The following API5 variants were observed in gnomAD, a reference collection of about 807,000 sequenced individuals.
API5 encodes the protein FIF.
API5 carries 6 observed loss-of-function variants against 71.9 expected under a neutral mutation model. The observed-to-expected ratio is 0.08, with a 90% confidence interval of 0.05 to 0.16. The LOEUF is 0.16. Among genes scored for constraint, API5 ranks in the 10% least tolerant of loss-of-function variants. API5 has a pLI of 1.00. For synonymous variants in API5, 189 were observed against 221.3 expected (o/e 0.85, Z 1.30); for missense variants, 332 against 612.8 (o/e 0.54, Z 4.84).
At chr11:43,328,941 T>C in intron 9 of API5, 48 bp downstream of exon 9, 1 of 1,592,610 alleles carries the variant, frequency 6.3e-7, no homozygotes, top group South Asian at 1.1e-5. Flanking sequence ...GTGGTAGCTA[T>C]CCTGAAGTTC....
At chr11:43,336,403 C>A (rs1565112582) in intron 13 of API5, among the ~76,000 whole-genome samples, 1 of 152,212 alleles carries the variant, frequency 6.6e-6, no homozygotes, top group Non-Finnish European at 1.5e-5. Context: ...AGTCAGCCTG[C>A]TGCCTATACT....
In API5 at chr11:43,330,000, T is replaced by C; in HGVS notation, c.1163T>C (p.Ile388Thr). The stretch of plus-strand genomic sequence containing the variant: ...TTTGCACGGGGCCTGCAAGTTTATA[T>C]CAGACAACTTCGCTTAGCTCTCCAG... ...QYFARGLQVY[I>T]RQLRLALQGK... The change falls in exon 10 of 14, where the codon ATC (isoleucine) becomes ACC (threonine). Residue 388 changes from isoleucine (I) to threonine (T), a missense_variant. By Grantham distance (89) the Ile-to-Thr change is moderately conservative (BLOSUM62 -1). Transcript: ENST00000531273. 1.2e-6 allele frequency: 2 copies of C among 1,613,884 alleles called. No individual in the cohort carries two copies. The highest frequency in any genetic ancestry group is 1.7e-6 in the Non-Finnish European group (2 of 1,179,864).
At chr11:43,336,138 G>T (rs539371805) in intron 13 of API5, 144 bp downstream of exon 13, 1 of 1,096,344 alleles carries the variant, frequency 9.1e-7, no homozygotes, top group African/African-American at 1.6e-5. Context: ...GGGCTGTTGA[G>T]GAAATGATTT....
intron 13 of API5, among the ~76,000 whole-genome samples, chr11:43,336,794 G>A (rs1005052420): frequency 1.3e-5 from 2 of 151,722 alleles, no homozygotes; most frequent in Admixed American, 1.3e-4. Context: ...GGATCACGAG[G>A]TCAGGAGGTC....
At chr11:43,331,041 T>C (rs1565109022) in intron 11 of API5, among the ~76,000 whole-genome samples, 1 of 152,182 alleles carries the variant, frequency 6.6e-6, no homozygotes, top group African/African-American at 2.4e-5. Flanking sequence ...TATTATATTA[T>C]ACAATACAGT....
chr11:43,321,950 A>G, intron 4 of API5, 35 bp from the exon 5 acceptor site: 5 of 1,587,706 alleles, frequency 3.1e-6, no homozygotes, highest in Non-Finnish European at 4.3e-6. Context: ...ACACTATAGA[A>G]TTGACTTGCT....
chr11:43,342,785 T>G lies in API5; in HGVS notation c.*275T>G. ...CTTCAAATTGTGAATCTTTTAAACA[T>G]CTTGATAATTTGTTGTTGAGAGCTG... On this transcript the variant is annotated 3_prime_UTR_variant, in exon 14 of 14. Transcript: ENST00000531273. 1 of 605,450 alleles carries G rather than the reference T, an allele frequency of 1.7e-6. No individual in the cohort carries two copies. Among genetic ancestry groups the G allele is most frequent in the South Asian group, 2.0e-5 (1 of 48,954 alleles). The allele number at this position is 605,450 out of a possible 1,614,324, so 37.5% of individuals were successfully genotyped here.
intron 8 of API5, 26 bp downstream of exon 8, chr11:43,327,904 G>C: frequency 6.8e-7 from 1 of 1,479,418 alleles, no homozygotes; most frequent in South Asian, 1.2e-5. Context: ...TTTCCTTATG[G>C]GATAGTCAGT....
At chr11:43,340,417 T>C (rs924948303) in intron 13 of API5, among the ~76,000 whole-genome samples, 2 of 152,004 alleles carry the variant, frequency 1.3e-5, no homozygotes, top group African/African-American at 4.8e-5. Flanking sequence ...TTCACAGAAA[T>C]TGCCACCAAA....
At position 43,340,240 on chromosome 11, in the gene API5, A is replaced by C. The variant is rs1051539229; in HGVS notation, c.1493-2188A>C. The stretch of plus-strand genomic sequence containing the variant: ...TTAACCAAGAAGGTAAAATATTTCT[A>C]TACAAGGAAAACTACAAAACACTGA... On this transcript the variant is annotated intron_variant, in intron 13 of 13. Coordinates refer to ENST00000531273, the MANE Select transcript of API5 (RefSeq NM_001142930.2). The C allele has an allele frequency of 8.4e-6, 3 of 357,520 alleles. No individual in the cohort carries two copies. The Admixed American group carries it at 1.2e-4, about 14-fold the overall frequency. The allele number at this position is 357,520 out of a possible 1,614,324, so 22.1% of individuals were successfully genotyped here.
rs1015581997 is a variant in API5 at position 43,312,020 on chromosome 11, A to C, written c.-108A>C. ...GGTGACTGGCGGCTGCACTGGCGGC[A>C]GCTGGAGGTGTAATAGTGCGGGTAG... On this transcript the variant is annotated 5_prime_UTR_variant, in exon 1 of 14. Coordinates refer to ENST00000531273, the MANE Select transcript of API5 (RefSeq NM_001142930.2). 1.8e-5 allele frequency: 22 copies of C among 1,248,036 alleles called. No homozygotes were observed. The highest frequency in any genetic ancestry group is 2.7e-4 in the Middle Eastern group (1 of 3,684). 77.3% of individuals were successfully genotyped at this position (1,248,036 alleles called of 1,614,324 possible).
At chr11:43,320,745 AG>A in intron 2 of API5, 75 bp from the exon 3 acceptor site, 7 of 1,214,658 alleles carry the variant, frequency 5.8e-6, no homozygotes, top group South Asian at 2.7e-5. Context: ...AAAAAAAAAA[AG>A]AAAGAAAAGA....
chr11:43,324,121 C>T (rs1461093417), intron 6 of API5, among the ~76,000 whole-genome samples: 2 of 152,000 alleles, frequency 1.3e-5, no homozygotes, highest in Non-Finnish European at 2.9e-5. Flanking sequence ...AGGCTCAAGC[C>T]TTCCTTCCAT....
intron 1 of API5, among the ~76,000 whole-genome samples, chr11:43,317,837 C>G (rs961556071): frequency 7.9e-5 from 12 of 151,854 alleles, no homozygotes; most frequent in African/African-American, 2.7e-4. Flanking sequence ...GCCACCACAC[C>G]CAGTTAATTT....
At chr11:43,332,211 G>C (rs1855281482) in intron 11 of API5, 1 of 152,190 alleles carries the variant, frequency 6.6e-6, no homozygotes, top group South Asian at 2.1e-4. Flanking sequence ...TCTAACACCA[G>C]ATGGGTGGAA....
At position 43,343,607 on chromosome 11, in the gene API5, T is replaced by C. The variant is rs1398976934; in HGVS notation, c.*1097T>C. 1 of 152,608 alleles carries C rather than the reference T, an allele frequency of 6.6e-6. No homozygotes were observed. Among genetic ancestry groups the C allele is most frequent in the African/African-American group, 2.4e-5 (1 of 41,454 alleles). The allele number at this position is 152,608 out of a possible 1,614,324, so 9.5% of individuals were successfully genotyped here. A position where few individuals can be genotyped will look rare whatever the true frequency, so the allele number is the denominator to read the frequency against. ...AATAAGTAAGGGATGCTCTCTCGGT[T>C]TGCTTTTGCCACTTTCAAGATTTTA... On this transcript the variant is annotated 3_prime_UTR_variant, in exon 14 of 14. Transcript: ENST00000531273.
intron 13 of API5, 176 bp downstream of exon 13, chr11:43,336,170 C>A: frequency 1.3e-6 from 1 of 789,710 alleles, no homozygotes; most frequent in Non-Finnish European, 1.9e-6. Flanking sequence ...CTCTCATTCA[C>A]CCTTCTGGGC....
chr11:43,320,286 C>T (rs1235111417), intron 2 of API5, among the ~76,000 whole-genome samples: 1 of 152,010 alleles, frequency 6.6e-6, no homozygotes, highest in East Asian at 1.9e-4. Flanking sequence ...CCTCGTGATC[C>T]ACCTGCTTCA....
chr11:43,316,076 G>C (rs1056933152), intron 1 of API5, among the ~76,000 whole-genome samples: 1 of 152,136 alleles, frequency 6.6e-6, no homozygotes, highest in Non-Finnish European at 1.5e-5. Context: ...CAGGGTTGGC[G>C]TGTAGGCTTC....
Sources: gnomAD v4.1 joint callset for allele counts (sites outside exome capture counted in the v4.1 genomes callset) on GRCh38, gnomAD v4.1.1 for gene constraint, MANE v1.5 for transcripts, NCBI Gene and HGNC (gene_info 2026-07-23, HGNC 2026-07-21) for gene names.